Variants in CACNA2D3 observed in about 807,000 individuals in gnomAD.
CACNA2D3 encodes the protein voltage-dependent calcium channel subunit alpha-2/delta-3.
Under a neutral mutation model 160.6 loss-of-function variants are expected in CACNA2D3, and 60 were observed. The observed-to-expected ratio is 0.37, with a 90% CI of 0.30 to 0.46. The LOEUF is 0.46. CACNA2D3 is among the 20% of genes least tolerant of loss of function. The pLI is 1.00. For missense variants in CACNA2D3, 1,205 were observed against 1,365.0 expected, an observed-to-expected ratio of 0.88 and a Z score of 1.85; for synonymous variants, 558 against 492.9, an observed-to-expected ratio of 1.13 and a Z score of -1.75.
Position 54,134,183 on chromosome 3 carries a change from C to T in CACNA2D3, c.204+10589C>T, listed in dbSNP as rs182059405. 3.3e-3 allele frequency among the ~76,000 whole-genome samples: 495 copies of T among 152,240 alleles called. 3 individuals are homozygous for T. The highest frequency in any genetic ancestry group is 0.025 in the South Asian group (118 of 4,814). On this transcript the variant is annotated intron_variant, in intron 2 of 37. Coordinates refer to ENST00000474759, the MANE Select transcript of CACNA2D3 (RefSeq NM_018398.3). ...ACTCACTAGGATCGATTTTATTTTG[C>T]TTGGAGTGAGTCTTGTTGCAGGGCC...
chr3:54,323,854 C>T (rs1447881915), intron 3 of CACNA2D3, among the ~76,000 whole-genome samples: 1 of 152,146 alleles, frequency 6.6e-6, no homozygotes, highest in East Asian at 1.9e-4. Flanking sequence ...AGGAATCTTC[C>T]ATTTCCAAGC....
At chr3:54,203,334 C>T (rs761206829) in intron 2 of CACNA2D3, among the ~76,000 whole-genome samples, 28 of 152,170 alleles carry the variant, frequency 1.8e-4, no homozygotes, top group Non-Finnish European at 3.2e-4. Flanking sequence ...TACAGATGGG[C>T]AGGCTGTGGG....
At chr3:54,604,994 C>T (rs1703139311) in intron 9 of CACNA2D3, among the ~76,000 whole-genome samples, 2 of 152,178 alleles carry the variant, frequency 1.3e-5, no homozygotes, top group African/African-American at 2.4e-5. Context: ...AAATTGTCAG[C>T]AGAGCCAAGC....
chr3:54,210,729 A>G (rs1701357474), intron 2 of CACNA2D3, among the ~76,000 whole-genome samples: 1 of 152,152 alleles, frequency 6.6e-6, no homozygotes, highest in Non-Finnish European at 1.5e-5. Context: ...TGGTCTCCTC[A>G]GCCTTCTGTT....
At chr3:54,611,187 CT>C (rs2106788961) in intron 9 of CACNA2D3, among the ~76,000 whole-genome samples, 1 of 152,320 alleles carries the variant, frequency 6.6e-6, no homozygotes, top group Non-Finnish European at 1.5e-5. Flanking sequence ...TACAGCCTAG[CT>C]GGATTGAAAT....
At chr3:54,782,977 CAGAT>C (rs992802165) in intron 13 of CACNA2D3, among the ~76,000 whole-genome samples, 17 of 152,254 alleles carry the variant, frequency 1.1e-4, no homozygotes, top group African/African-American at 4.1e-4. Flanking sequence ...TTGCATGTGT[CAGAT>C]AGGCCCTATT....
chr3:54,317,439 G>A (rs1703887785), intron 2 of CACNA2D3, among the ~76,000 whole-genome samples: 2 of 152,208 alleles, frequency 1.3e-5, no homozygotes, highest in African/African-American at 4.8e-5. Context: ...AGGTCAAGGG[G>A]CCCGAATCTG....
chr3:54,598,025 C>G (rs369551771), intron 9 of CACNA2D3, among the ~76,000 whole-genome samples: 1 of 151,806 alleles, frequency 6.6e-6, no homozygotes, highest in African/African-American at 2.4e-5. Context: ...CGTGGTGGCT[C>G]ATGCCTGTAA....
intron 3 of CACNA2D3, among the ~76,000 whole-genome samples, chr3:54,363,538 G>T (rs1445885406): frequency 6.6e-6 from 1 of 152,088 alleles, no homozygotes; most frequent in Non-Finnish European, 1.5e-5. Flanking sequence ...TTTCTTGCTA[G>T]GCCAAGCCTG....
intron 2 of CACNA2D3, among the ~76,000 whole-genome samples, chr3:54,155,104 C>T (rs1365065846): frequency 2.0e-5 from 3 of 152,100 alleles, no homozygotes; most frequent in Non-Finnish European, 2.9e-5. Context: ...GCCATTAGCT[C>T]GAGGCCTGTC....
intron 4 of CACNA2D3, among the ~76,000 whole-genome samples, chr3:54,419,530 G>GC (rs1699806706): frequency 6.6e-6 from 1 of 152,124 alleles, no homozygotes; most frequent in Non-Finnish European, 1.5e-5. Flanking sequence ...TCTTATGATT[G>GC]CCACAAGTAT....
At chr3:54,763,627 CTGTGTG>C (rs35183007) in intron 12 of CACNA2D3, among the ~76,000 whole-genome samples, 2 of 135,450 alleles carry the variant, frequency 1.5e-5, no homozygotes, top group South Asian at 2.4e-4. Flanking sequence ...TAAACATATA[CTGTGTG>C]TGTGTGTGTG....
At chr3:54,478,660 G>GTA (rs375465672) in intron 4 of CACNA2D3, among the ~76,000 whole-genome samples, 3 of 36,382 alleles carry the variant, frequency 8.2e-5, no homozygotes, top group Admixed American at 7.5e-4. Flanking sequence ...ATATGTGTGT[G>GTA]TATATATATA....
At chr3:54,169,888 C>T (rs772081671) in intron 2 of CACNA2D3, among the ~76,000 whole-genome samples, 7 of 152,010 alleles carry the variant, frequency 4.6e-5, no homozygotes, top group Non-Finnish European at 8.8e-5. Flanking sequence ...TTTTCCAGGT[C>T]AAGAGTGAGG....
intron 6 of CACNA2D3, 50 bp from the exon 7 acceptor site, chr3:54,569,744 GA>G (rs1232774333): frequency 7.2e-7 from 1 of 1,389,492 alleles, no homozygotes; most frequent in Non-Finnish European, 1.0e-6. Context: ...GAAATGCTAT[GA>G]ATAAATATTT....
At chr3:55,068,969 T>C (rs1480979936) in intron 35 of CACNA2D3, among the ~76,000 whole-genome samples, 2 of 152,240 alleles carry the variant, frequency 1.3e-5, no homozygotes, top group Non-Finnish European at 2.9e-5. Context: ...ACCTGTGGTA[T>C]AGAAGAGTAT....
At chr3:54,797,176 G>A (rs1355932853) in intron 13 of CACNA2D3, among the ~76,000 whole-genome samples, 1 of 152,196 alleles carries the variant, frequency 6.6e-6, no homozygotes, top group East Asian at 1.9e-4. Flanking sequence ...AAGTGACATT[G>A]TGTCTTTTGT....
At chr3:54,271,017 G>C (rs1702612221) in intron 2 of CACNA2D3, among the ~76,000 whole-genome samples, 1 of 152,178 alleles carries the variant, frequency 6.6e-6, no homozygotes, top group Non-Finnish European at 1.5e-5. Context: ...GTTGGAAGGA[G>C]GCAGGAGGGC....
intron 3 of CACNA2D3, among the ~76,000 whole-genome samples, chr3:54,346,943 C>A (rs1559456593): frequency 6.6e-6 from 1 of 152,126 alleles, no homozygotes; most frequent in South Asian, 2.1e-4. Context: ...TAACCATATT[C>A]AATTTTTGAG....
Sources: gnomAD v4.1 joint callset for allele counts (sites outside exome capture counted in the v4.1 genomes callset) on GRCh38, gnomAD v4.1.1 for gene constraint, MANE v1.5 for transcripts, NCBI Gene and HGNC (gene_info 2026-07-23, HGNC 2026-07-21) for gene names.